The following DAB1 variants were observed in gnomAD, a reference collection of about 807,000 sequenced individuals.
DAB1 encodes disabled homolog 1.
DAB1 carries 15 observed loss-of-function variants against 64.6 expected under a neutral mutation model. That is an observed-to-expected ratio of 0.23 (90% CI 0.16 to 0.36). DAB1 has a LOEUF of 0.36. DAB1 is among the 10% of genes least tolerant of loss of function. The probability of loss-of-function intolerance (pLI) is 1.00; values close to 1 mark genes in which losing one functional copy is unlikely to be tolerated. For synonymous variants in DAB1, 235 were observed against 251.9 expected, an observed-to-expected ratio of 0.93 and a Z score of 0.64; for missense variants, 596 against 706.7, an observed-to-expected ratio of 0.84 and a Z score of 1.78.
intron 7 of DAB1, among the ~76,000 whole-genome samples, chr1:57,621,250 G>A (rs1645854490): frequency 8.7e-6 from 1 of 115,004 alleles, no homozygotes; most frequent in Non-Finnish European, 1.9e-5. Context: ...TTTAAGAGAG[G>A]GAGTGAGATT....
intron 9 of DAB1, among the ~76,000 whole-genome samples, chr1:57,037,363 T>G (rs1210783205): frequency 6.6e-6 from 1 of 152,226 alleles, no homozygotes; most frequent in Non-Finnish European, 1.5e-5. Flanking sequence ...CACATGGTCC[T>G]TCTTTTCATA....
At chr1:58,449,960 T>C (rs1029496063) in intron 3 of DAB1, among the ~76,000 whole-genome samples, 3 of 152,208 alleles carry the variant, frequency 2.0e-5, no homozygotes, top group Admixed American at 1.3e-4. Context: ...CATTGACATA[T>C]GTATGATTTT....
intron 5 of DAB1, among the ~76,000 whole-genome samples, chr1:57,998,388 TC>T (rs1376443403): frequency 2.9e-5 from 4 of 136,374 alleles, no homozygotes; most frequent in African/African-American, 1.2e-4. Context: ...TTTTTTTCTC[TC>T]TTTTTTTTTT....
At chr1:57,189,845 G>GA (rs34251961) in intron 2 of DAB1, among the ~76,000 whole-genome samples, 13,720 of 136,560 alleles carry the variant, frequency 0.1, 746 homozygotes, top group African/African-American at 0.15. Flanking sequence ...AAGGGAAGGG[G>GA]AAAAAAAAAA....
chr1:58,156,805 T>A (rs1655252538), intron 4 of DAB1, among the ~76,000 whole-genome samples: 1 of 152,064 alleles, frequency 6.6e-6, no homozygotes, highest in Non-Finnish European at 1.5e-5. Context: ...GAGAGGAAAA[T>A]CATGCTGCAC....
intron 5 of DAB1, among the ~76,000 whole-genome samples, chr1:57,974,324 G>C (rs1645868654): frequency 6.6e-6 from 1 of 151,924 alleles, no homozygotes; most frequent in South Asian, 2.1e-4. Flanking sequence ...GGCATTTATT[G>C]AATTGTGTCT....
chr1:58,310,915 G>C (rs199761022), intron 4 of DAB1, among the ~76,000 whole-genome samples: 2 of 152,118 alleles, frequency 1.3e-5, no homozygotes, highest in East Asian at 3.9e-4. Flanking sequence ...TGCCAGAGGT[G>C]CCCTTCATCT....
intron 5 of DAB1, among the ~76,000 whole-genome samples, chr1:57,953,394 A>G (rs1645319327): frequency 6.6e-6 from 1 of 152,190 alleles, no homozygotes; most frequent in African/African-American, 2.4e-5. Context: ...GCTTTTTGGT[A>G]TTAAAGCTAC....
chr1:57,777,564 A>G lies in DAB1; in HGVS notation n.551+106435T>C, dbSNP rs1016562231. Among the ~76,000 whole-genome samples the G allele has an allele frequency of 7.9e-5, 12 of 151,848 alleles. No homozygotes were observed. In the South Asian group the frequency reaches 8.3e-4, roughly 10 times the overall value. ...TTTGCAGTTTTTAATCTGCTGTTAA[A>G]ATTTTCCAGTGACATATATATTTCA... On this transcript the variant is annotated intron_variant and non_coding_transcript_variant, in intron 6 of 20. Coordinates refer to the DAB1 transcript ENST00000485760.
chr1:58,337,395 A>G (rs992242594), intron 4 of DAB1, among the ~76,000 whole-genome samples: 1 of 152,146 alleles, frequency 6.6e-6, no homozygotes, highest in African/African-American at 2.4e-5. Context: ...CAGAATAATA[A>G]AGTTTATTTT....
chr1:57,363,390 G>T (rs551646034), intron 1 of DAB1, among the ~76,000 whole-genome samples: 3 of 152,214 alleles, frequency 2.0e-5, no homozygotes, highest in South Asian at 4.1e-4. Flanking sequence ...ACATAGAATC[G>T]TTCCCAACTG....
intron 4 of DAB1, among the ~76,000 whole-genome samples, chr1:58,257,826 G>A (rs1235414313): frequency 1.3e-5 from 2 of 152,188 alleles, no homozygotes; most frequent in African/African-American, 2.4e-5. Flanking sequence ...TATGGTTTAT[G>A]ATGTAAGGCC....
intron 5 of DAB1, among the ~76,000 whole-genome samples, chr1:57,907,235 C>T (rs1364767606): frequency 1.3e-5 from 2 of 152,194 alleles, no homozygotes; most frequent in Admixed American, 6.5e-5. Context: ...CTACACCAAG[C>T]ACTCAGGCAC....
chr1:57,482,303 CAG>C (rs1407658627), intron 7 of DAB1, among the ~76,000 whole-genome samples: 1 of 151,876 alleles, frequency 6.6e-6, no homozygotes, highest in Admixed American at 6.6e-5. Flanking sequence ...TGGTATAAAA[CAG>C]ATCTCCCAAA....
At chr1:57,921,136 A>G (rs955152335) in intron 5 of DAB1, among the ~76,000 whole-genome samples, 1 of 152,212 alleles carries the variant, frequency 6.6e-6, no homozygotes, top group South Asian at 2.1e-4. Context: ...AAGTATTTCT[A>G]TATGTACTGG....
At chr1:57,915,983 C>A (rs1017896740) in intron 5 of DAB1, among the ~76,000 whole-genome samples, 1 of 152,198 alleles carries the variant, frequency 6.6e-6, no homozygotes, top group African/African-American at 2.4e-5. Context: ...AACTCCACTT[C>A]GTTGTTGGTT....
intron 5 of DAB1, among the ~76,000 whole-genome samples, chr1:58,118,499 T>TACAC (rs1484103711): frequency 3.9e-4 from 31 of 79,078 alleles, no homozygotes; most frequent in South Asian, 2.1e-3. Flanking sequence ...TATATATATA[T>TACAC]ATATACACAC....
intron 3 of DAB1, among the ~76,000 whole-genome samples, chr1:58,438,599 C>T (rs988070926): frequency 3.3e-5 from 5 of 152,184 alleles, no homozygotes; most frequent in Non-Finnish European, 7.3e-5. Flanking sequence ...CTGCTAGCAG[C>T]TCACTTACTC....
chr1:57,105,132 G>C (rs1655026153), intron 4 of DAB1, among the ~76,000 whole-genome samples: 1 of 151,930 alleles, frequency 6.6e-6, no homozygotes. Flanking sequence ...TTTGGTTTTT[G>C]GCCATCAACA....
Sources: allele counts gnomAD v4.1 joint callset (sites outside exome capture counted in the v4.1 genomes callset), GRCh38; gene constraint gnomAD v4.1.1; transcripts MANE v1.5; gene names NCBI Gene and HGNC (gene_info 2026-07-23, HGNC 2026-07-21).